Variants in CCDC122 observed in about 807,000 individuals in gnomAD.
The protein encoded by CCDC122 is coiled-coil domain containing 122, also known as coiled-coil domain-containing protein 122.
Under a neutral mutation model 37.0 loss-of-function variants are expected in CCDC122, and 38 were observed. The observed-to-expected ratio is 1.03, with a 90% CI of 0.79 to 1.35. CCDC122 has a LOEUF of 1.35. CCDC122 is among the 40% of genes most tolerant of loss of function. The pLI, the probability that CCDC122 is intolerant of heterozygous loss-of-function variation, is 0.00. For synonymous variants in CCDC122, 83 were observed against 95.6 expected (o/e 0.87, Z 0.77); for missense variants, 305 against 310.0 (o/e 0.98, Z 0.12).
intron 6 of CCDC122, among the ~76,000 whole-genome samples, chr13:43,843,797 G>A (rs1566942756): frequency 1.3e-5 from 2 of 148,510 alleles, no homozygotes; most frequent in South Asian, 4.4e-4. Flanking sequence ...GGCTAAACAT[G>A]AATGCATTTT....
At chr13:43,845,019 A>G (rs1415278742) in intron 6 of CCDC122, among the ~76,000 whole-genome samples, 1 of 152,110 alleles carries the variant, frequency 6.6e-6, no homozygotes, top group Admixed American at 6.5e-5. Context: ...TTTGTCTTCT[A>G]TTAGTCCCTT....
Position 43,869,439 on chromosome 13 carries a change from C to A in CCDC122, c.-63G>T. 7.8e-7 allele frequency: 1 copy of A among 1,283,770 alleles called. No individual in the cohort carries two copies. The highest frequency in any genetic ancestry group is 2.1e-5 in the Admixed American group (1 of 47,238). The allele number at this position is 1,283,770 out of a possible 1,614,324, so 79.5% of individuals were successfully genotyped here. On this transcript the variant is annotated 5_prime_UTR_variant, in exon 3 of 7. Coordinates refer to ENST00000444614, the MANE Select transcript of CCDC122 (RefSeq NM_144974.5). ...ACCTTCTTTACTCCTACTCAATAAT[C>A]TATATTGATAATCTTTCACTTTTGT...
At chr13:43,840,948 G>C (rs902040840) in intron 6 of CCDC122, among the ~76,000 whole-genome samples, 1 of 152,142 alleles carries the variant, frequency 6.6e-6, no homozygotes, top group Non-Finnish European at 1.5e-5. Context: ...AGATCCCTGA[G>C]GAATCACCAC....
intron 1 of CCDC122, chr13:43,878,295 A>C (rs1954718794): frequency 6.6e-6 from 1 of 152,178 alleles, no homozygotes; most frequent in Non-Finnish European, 1.5e-5. Context: ...AATGATATTT[A>C]ACATAAACAA....
downstream of CCDC122, chr13:43,823,880 T>G (rs1953014839): frequency 2.6e-5 from 4 of 152,260 alleles, no homozygotes; most frequent in African/African-American, 9.6e-5. Context: ...AATATGGAGT[T>G]GAAACTAGGT....
chr13:43,839,996 C>T (rs561445989), intron 6 of CCDC122, among the ~76,000 whole-genome samples: 1 of 152,286 alleles, frequency 6.6e-6, no homozygotes, highest in African/African-American at 2.4e-5. Flanking sequence ...GGATTGGTTA[C>T]ATCTCTGTGT....
At chr13:43,828,500 TA>T (rs1275936033) in intron 3 of CCDC122, among the ~76,000 whole-genome samples, 1 of 152,044 alleles carries the variant, frequency 6.6e-6, no homozygotes, top group Admixed American at 6.6e-5. Flanking sequence ...GGGCTTGGTT[TA>T]TGCTTCTGTT....
intron 6 of CCDC122, 138 bp downstream of exon 6, chr13:43,858,643 G>A (rs1954005842): frequency 7.3e-6 from 4 of 551,246 alleles, no homozygotes; most frequent in Non-Finnish European, 1.1e-5. Context: ...TTAATGATTT[G>A]TATTTACTAA....
chr13:43,821,096 C>T (rs117543541), downstream of CCDC122, among the ~76,000 whole-genome samples: 2,447 of 152,176 alleles, frequency 0.016, 39 homozygotes, highest in South Asian at 0.036. Flanking sequence ...TTTCTTTATC[C>T]TTGACCTTTG....
At chr13:43,858,241 C>T (rs954299440) in intron 6 of CCDC122, 15 of 152,200 alleles carry the variant, frequency 9.9e-5, no homozygotes, top group African/African-American at 3.6e-4. Context: ...TTTCTGTTCA[C>T]CATTCATCCA....
chr13:43,865,937 A>G (rs1954261292), intron 4 of CCDC122, among the ~76,000 whole-genome samples: 1 of 152,162 alleles, frequency 6.6e-6, no homozygotes, highest in Non-Finnish European at 1.5e-5. Flanking sequence ...TGCCAGCATC[A>G]CTACGCTGAT....
chr13:43,840,297 G>A (rs1953301289), intron 6 of CCDC122, among the ~76,000 whole-genome samples: 1 of 152,126 alleles, frequency 6.6e-6, no homozygotes, highest in African/African-American at 2.4e-5. Context: ...TAAAATGATA[G>A]AATAATAGGG....
chr13:43,877,309 G>A (rs901984081), intron 1 of CCDC122, among the ~76,000 whole-genome samples: 1 of 152,130 alleles, frequency 6.6e-6, no homozygotes, highest in Non-Finnish European at 1.5e-5. Context: ...CAATAGATGG[G>A]CAAATGAACA....
In CCDC122 at chr13:43,860,067, C is replaced by A; in HGVS notation, c.160G>T (p.Glu54Ter). 5 of 1,483,824 alleles carry A rather than the reference C, an allele frequency of 3.4e-6. No homozygotes were observed. The highest frequency in any genetic ancestry group is 2.8e-5 in the South Asian group (2 of 72,170). The allele number at this position is 1,483,824 out of a possible 1,614,324, so 91.9% of individuals were successfully genotyped here. Residue 54 changes from glutamate (E) to a stop codon, truncating the protein, a stop_gained, in exon 5 of 7, where the codon GAA becomes TAA. Transcript: ENST00000444614. LOFTEE classifies it high-confidence loss of function. ...NKKVLFNLKN[E>*]LHELEKEIAA... ...ATTTCTTTTTCAAGCTCATGAAGTTCATTCTGTAATACATTTTAACATTAT... is the reference window on the plus strand; with the variant it reads ...ATTTCTTTTTCAAGCTCATGAAGTTAATTCTGTAATACATTTTAACATTAT...
downstream of CCDC122, among the ~76,000 whole-genome samples, chr13:43,819,177 A>G (rs1952978410): frequency 6.6e-6 from 1 of 152,224 alleles, no homozygotes. Flanking sequence ...CAAAAGCTTT[A>G]CAATGTACAG....
At chr13:43,831,158 T>C (rs2153868384) in intron 3 of CCDC122, among the ~76,000 whole-genome samples, 1 of 152,280 alleles carries the variant, frequency 6.6e-6, no homozygotes. Flanking sequence ...TACATCTAAG[T>C]GAAGAAAGTG....
chr13:43,864,546 G>A (rs921365325), intron 4 of CCDC122, among the ~76,000 whole-genome samples: 4 of 152,068 alleles, frequency 2.6e-5, no homozygotes, highest in African/African-American at 4.8e-5. Context: ...AGAGGGAGCC[G>A]GGAGGCGCCA....
chr13:43,838,281 T>C (rs1406433422), intron 6 of CCDC122, among the ~76,000 whole-genome samples: 1 of 152,218 alleles, frequency 6.6e-6, no homozygotes, highest in Non-Finnish European at 1.5e-5. Context: ...ATGGTTCCAT[T>C]TCCCATTTCC....
chr13:43,842,630 CTAA>C (rs1953393536), intron 6 of CCDC122, among the ~76,000 whole-genome samples: 1 of 151,866 alleles, frequency 6.6e-6, no homozygotes, highest in South Asian at 2.1e-4. Context: ...AAATTTGACA[CTAA>C]TAATATCGTG....
Sources: gnomAD v4.1 joint callset for allele counts (sites outside exome capture counted in the v4.1 genomes callset) on GRCh38, gnomAD v4.1.1 for gene constraint, MANE v1.5 for transcripts, NCBI Gene and HGNC (gene_info 2026-07-23, HGNC 2026-07-21) for gene names.